Variants in OR56A3 observed in about 807,000 individuals in gnomAD.
OR56A3 encodes the protein olfactory receptor 56A3.
In OR56A3, 23 loss-of-function variants were observed where a neutral mutation model predicts 17.5. The observed-to-expected ratio is 1.32, with a 90% confidence interval of 0.95 to 1.87. OR56A3 has a LOEUF of 1.87. OR56A3 is among the 40% of genes most tolerant of loss of function. OR56A3 has a pLI of 0.00. For synonymous variants in OR56A3, 175 were observed against 150.6 expected, an observed-to-expected ratio of 1.16 and a Z score of -1.19; for missense variants, 366 against 380.1, an observed-to-expected ratio of 0.96 and a Z score of 0.31.
the OR56A3 span, chr11:6,020,345 A>G: frequency 6.6e-6 from 1 of 152,136 alleles, no homozygotes; most frequent in Admixed American, 6.5e-5. Context: ...TTCTGTAAAG[A>G]ATGTCATTGG....
chr11:5,995,088 A>G, the OR56A3 span: 2 of 595,750 alleles, frequency 3.4e-6, no homozygotes, highest in Middle Eastern at 5.1e-4. Context: ...GCCGGGTGCC[A>G]TAGCTGGGCG....
the OR56A3 span, among the ~76,000 whole-genome samples, chr11:5,964,195 A>G: frequency 4.6e-5 from 7 of 152,030 alleles, no homozygotes; most frequent in African/African-American, 1.4e-4. Flanking sequence ...TGTATTTGTT[A>G]TCACTCAATT....
chr11:5,960,903 T>C, the OR56A3 span, among the ~76,000 whole-genome samples: 2 of 150,792 alleles, frequency 1.3e-5, no homozygotes, highest in African/African-American at 4.9e-5. Context: ...AGAGTGCCTC[T>C]GCCCGGCCGT....
the OR56A3 span, among the ~76,000 whole-genome samples, chr11:5,990,227 A>G: frequency 6.6e-6 from 1 of 152,206 alleles, no homozygotes; most frequent in African/African-American, 2.4e-5. Flanking sequence ...GTAAACACTC[A>G]TATTATTAGA....
chr11:5,943,195 G>T (rs1847849085), intron 1 of OR56A3: 1 of 152,082 alleles, frequency 6.6e-6, no homozygotes, highest in Admixed American at 6.5e-5. Context: ...AGAGAAAATA[G>T]AAGGAAAAAG....
the OR56A3 span, among the ~76,000 whole-genome samples, chr11:5,982,893 A>C: frequency 6.6e-6 from 1 of 152,198 alleles, no homozygotes; most frequent in Non-Finnish European, 1.5e-5. Context: ...GCCAGAAATG[A>C]GACCTGGTGC....
chr11:5,986,735 T>C, the OR56A3 span: 3 of 1,613,832 alleles, frequency 1.9e-6, no homozygotes, highest in Non-Finnish European at 2.5e-6. Context: ...ATCCAGATGA[T>C]GAAGAGAATG....
the OR56A3 span, among the ~76,000 whole-genome samples, chr11:5,974,200 G>T: frequency 6.6e-6 from 1 of 150,816 alleles, no homozygotes; most frequent in Non-Finnish European, 1.5e-5. Context: ...TCCACCTCCT[G>T]GTTTCAAGCA....
At chr11:6,010,085 G>GT in the OR56A3 span, among the ~76,000 whole-genome samples, 1 of 151,786 alleles carries the variant, frequency 6.6e-6, no homozygotes, top group East Asian at 1.9e-4. Flanking sequence ...AAAATACCTG[G>GT]TTTTCCAATA....
chr11:6,003,908 C>G, the OR56A3 span, among the ~76,000 whole-genome samples: 5 of 152,192 alleles, frequency 3.3e-5, no homozygotes, highest in African/African-American at 1.2e-4. Flanking sequence ...TCCAATTATC[C>G]TTAGCATATG....
At chr11:5,986,336 G>A in the OR56A3 span, 335 of 1,614,012 alleles carry the variant, frequency 2.1e-4, no homozygotes, top group African/African-American at 4.0e-3. Flanking sequence ...ACAGCCATAT[G>A]TTCACAATAG....
chr11:5,986,789 GC>G, the OR56A3 span: 1 of 1,614,046 alleles, frequency 6.2e-7, no homozygotes, highest in Non-Finnish European at 8.5e-7. Flanking sequence ...ATGCCCAGGG[GC>G]AGTGCAATCC....
At chr11:5,987,041 G>T in the OR56A3 span, 1 of 964,934 alleles carries the variant, frequency 1.0e-6, no homozygotes, top group Non-Finnish European at 1.5e-6. Context: ...TAGCTACAGG[G>T]AAGAAAATCT....
chr11:5,980,913 C>G, the OR56A3 span, among the ~76,000 whole-genome samples: 2 of 152,106 alleles, frequency 1.3e-5, no homozygotes, highest in African/African-American at 4.8e-5. Flanking sequence ...TTCTTCTTTG[C>G]TTATGAAGCT....
the OR56A3 span, among the ~76,000 whole-genome samples, chr11:5,970,129 AATAAAATGTT>A: frequency 6.6e-6 from 1 of 152,256 alleles, no homozygotes; most frequent in Non-Finnish European, 1.5e-5. Flanking sequence ...ATACATGTGA[AATAAAATGTT>A]AGAGAAAGCA....
At chr11:6,005,806 C>A in the OR56A3 span, among the ~76,000 whole-genome samples, 1 of 152,202 alleles carries the variant, frequency 6.6e-6, no homozygotes, top group Non-Finnish European at 1.5e-5. Flanking sequence ...TCAGTCTCAA[C>A]CATAAGCCCT....
chr11:6,004,305 G>C, the OR56A3 span, among the ~76,000 whole-genome samples: 1 of 152,036 alleles, frequency 6.6e-6, no homozygotes, highest in Non-Finnish European at 1.5e-5. Flanking sequence ...AGTGAGCCGA[G>C]ATCACGCCAC....
At chr11:5,980,655 A>C in the OR56A3 span, among the ~76,000 whole-genome samples, 23 of 152,156 alleles carry the variant, frequency 1.5e-4, no homozygotes, top group African/African-American at 4.8e-4. Flanking sequence ...GAACATTTTA[A>C]GTGGGGTTTT....
chr11:5,964,546 G>A, the OR56A3 span, among the ~76,000 whole-genome samples: 439 of 152,310 alleles, frequency 2.9e-3, 4 homozygotes, highest in African/African-American at 9.2e-3. Context: ...TATAGTGCCA[G>A]GCTAGAATTC....
Sources: allele counts gnomAD v4.1 joint callset (sites outside exome capture counted in the v4.1 genomes callset), GRCh38; gene constraint gnomAD v4.1.1; transcripts MANE v1.5; gene names NCBI Gene and HGNC (gene_info 2026-07-23, HGNC 2026-07-21).